The following SCAPER variants were observed in gnomAD, a reference collection of about 807,000 sequenced individuals.
The protein encoded by SCAPER is S-phase cyclin A associated protein in the ER.
In SCAPER, 98 loss-of-function variants were observed where a neutral mutation model predicts 182.2. The observed-to-expected ratio is 0.54, with a 90% CI of 0.46 to 0.64. The LOEUF is 0.64. Among genes scored for constraint, SCAPER ranks in the 30% least tolerant of loss-of-function variants. The pLI, the probability that SCAPER is intolerant of heterozygous loss-of-function variation, is 0.00. For missense variants in SCAPER, 1,432 were observed against 1,690.0 expected (o/e 0.85, Z 2.68); for synonymous variants, 605 against 564.6 (o/e 1.07, Z -1.01).
intron 15 of SCAPER, among the ~76,000 whole-genome samples, chr15:76,746,993 A>T (rs2061829484): frequency 6.6e-6 from 1 of 152,244 alleles, no homozygotes; most frequent in Non-Finnish European, 1.5e-5. Flanking sequence ...TTTTTTGCAG[A>T]TACGAAAAAC....
At chr15:76,458,381 T>C (rs284897) in intron 25 of SCAPER, among the ~76,000 whole-genome samples, 18,519 of 151,538 alleles carry the variant, frequency 0.12, 1,533 homozygotes, top group African/African-American at 0.24. Flanking sequence ...TACACACACA[T>C]ATATATATAT....
intron 17 of SCAPER, among the ~76,000 whole-genome samples, chr15:76,727,012 AT>A (rs1302684649): frequency 2.0e-5 from 3 of 151,668 alleles, no homozygotes; most frequent in African/African-American, 4.8e-5. Context: ...TGCTATTTAT[AT>A]TTTTTGCCAC....
intron 27 of SCAPER, among the ~76,000 whole-genome samples, chr15:76,383,434 G>A (rs1299445184): frequency 6.6e-6 from 1 of 152,132 alleles, no homozygotes; most frequent in Non-Finnish European, 1.5e-5. Flanking sequence ...TCTTGAATGT[G>A]CACTATTTCT....
intron 1 of SCAPER, among the ~76,000 whole-genome samples, chr15:76,894,829 G>A (rs1159035766): frequency 1.3e-5 from 2 of 152,016 alleles, no homozygotes; most frequent in Admixed American, 1.3e-4. Context: ...TACCAAGACT[G>A]AATCATGAAG....
At chr15:76,621,453 T>C (rs1302952225) in intron 22 of SCAPER, among the ~76,000 whole-genome samples, 1 of 147,012 alleles carries the variant, frequency 6.8e-6, no homozygotes, top group Non-Finnish European at 1.5e-5. Context: ...TCAACCTTGG[T>C]ACTATTAACA....
chr15:76,456,662 C>T (rs2048759810), intron 25 of SCAPER, among the ~76,000 whole-genome samples: 1 of 152,056 alleles, frequency 6.6e-6, no homozygotes, highest in Non-Finnish European at 1.5e-5. Context: ...TTTCTTTGGT[C>T]TAGTTATTGT....
At chr15:76,797,172 G>A (rs573100714) in intron 7 of SCAPER, 1 of 152,192 alleles carries the variant, frequency 6.6e-6, no homozygotes, top group Non-Finnish European at 1.5e-5. Flanking sequence ...AGTCAAGAAA[G>A]GTCAGGTTTT....
At chr15:76,899,148 T>C (rs935693231) in intron 1 of SCAPER, among the ~76,000 whole-genome samples, 1 of 152,148 alleles carries the variant, frequency 6.6e-6, no homozygotes, top group Non-Finnish European at 1.5e-5. Flanking sequence ...AATATGGATA[T>C]GCTCTCCCTC....
chr15:76,736,029 C>A (rs903794339), intron 15 of SCAPER, among the ~76,000 whole-genome samples: 3 of 152,112 alleles, frequency 2.0e-5, no homozygotes, highest in Non-Finnish European at 2.9e-5. Flanking sequence ...CATGTACAGG[C>A]ATACCTCAAA....
At chr15:76,462,474 T>C (rs1274102697) in intron 25 of SCAPER, among the ~76,000 whole-genome samples, 1 of 152,172 alleles carries the variant, frequency 6.6e-6, no homozygotes. Context: ...CTTCCATATG[T>C]GCTTATAGAG....
At chr15:76,511,593 C>A (rs965326199) in intron 23 of SCAPER, among the ~76,000 whole-genome samples, 2 of 152,210 alleles carry the variant, frequency 1.3e-5, no homozygotes, top group East Asian at 3.9e-4. Flanking sequence ...TAACCAAATT[C>A]CTTATATAAC....
At chr15:76,722,985 T>C (rs1391490973) in intron 17 of SCAPER, among the ~76,000 whole-genome samples, 1 of 152,176 alleles carries the variant, frequency 6.6e-6, no homozygotes, top group Admixed American at 6.5e-5. Flanking sequence ...TGAATGTGTT[T>C]GCTCTTGCTT....
At chr15:76,721,406 C>A (rs1448227415) in intron 17 of SCAPER, among the ~76,000 whole-genome samples, 1 of 151,606 alleles carries the variant, frequency 6.6e-6, no homozygotes. Flanking sequence ...CTTGGCGATG[C>A]GGGCTCTTTT....
At chr15:76,350,366 TTGTGTGTGTGTG>T (rs10660714) in intron 31 of SCAPER, 1 of 145,302 alleles carries the variant, frequency 6.9e-6, no homozygotes, top group Non-Finnish European at 1.5e-5. Context: ...GTAGAGGACT[TTGTGTGTGTGTG>T]TGTGTGTGTG....
chr15:76,460,120 G>T (rs2049046729), intron 25 of SCAPER, among the ~76,000 whole-genome samples: 1 of 151,990 alleles, frequency 6.6e-6, no homozygotes, highest in Admixed American at 6.6e-5. Context: ...AATGAAATTG[G>T]TGTTTTGATA....
Position 76,808,629 on chromosome 15 carries a change from T to C in SCAPER, c.394-3996A>G, listed in dbSNP as rs1298775354. ...ACTACACACCTAATGTCCTGACTTC[T>C]CCAGCTGCTACCTGAAACTGCAGGA... On this transcript the variant is annotated intron_variant, in intron 5 of 31. Transcript: ENST00000563290. Among the ~76,000 whole-genome samples the C allele has an allele frequency of 3.9e-5, 6 of 152,334 alleles. No individual in the cohort carries two copies. In the East Asian group the frequency reaches 1.2e-3, roughly 29 times the overall value.
At chr15:76,442,954 T>A (rs1401744610) in intron 25 of SCAPER, among the ~76,000 whole-genome samples, 1 of 152,118 alleles carries the variant, frequency 6.6e-6, no homozygotes. Flanking sequence ...GGAAATAATT[T>A]AAAAAACCAG....
At chr15:76,506,050 A>G (rs1184383751) in intron 23 of SCAPER, among the ~76,000 whole-genome samples, 1 of 151,946 alleles carries the variant, frequency 6.6e-6, no homozygotes, top group Non-Finnish European at 1.5e-5. Context: ...CATTAAAACA[A>G]TTGAACTCAT....
intron 16 of SCAPER, 92 bp downstream of exon 16, chr15:76,733,137 A>T: frequency 8.9e-7 from 1 of 1,125,252 alleles, no homozygotes; most frequent in Non-Finnish European, 1.3e-6. Context: ...CCATCTCCGC[A>T]CATGGGGAGA....
Sources: allele counts gnomAD v4.1 joint callset (sites outside exome capture counted in the v4.1 genomes callset), GRCh38; gene constraint gnomAD v4.1.1; transcripts MANE v1.5; gene names NCBI Gene and HGNC (gene_info 2026-07-23, HGNC 2026-07-21).